Variants in OTOA observed in about 807,000 individuals in gnomAD.
The protein encoded by OTOA is otoancorin, also known as cancer/testis antigen 108.
OTOA carries 70 observed loss-of-function variants against 110.8 expected under a neutral mutation model. The ratio of observed to expected loss-of-function variants is 0.63; its 90% CI spans 0.52 to 0.77. The LOEUF is 0.77. Ranked by LOEUF, OTOA falls within the 30% of genes least tolerant of loss-of-function variation. The probability of loss-of-function intolerance (pLI) is 0.00; values close to 1 mark genes in which losing one functional copy is unlikely to be tolerated. For synonymous variants in OTOA, 373 were observed against 431.5 expected (o/e 0.86, Z 1.68); for missense variants, 917 against 1,075.8 (o/e 0.85, Z 2.06).
intron 6 of OTOA, among the ~76,000 whole-genome samples, chr16:21,683,722 A>C (rs914460979): frequency 6.6e-6 from 1 of 151,920 alleles, no homozygotes; most frequent in African/African-American, 2.4e-5. Context: ...AAAAACAAAA[A>C]CAAAAAACAG....
rs79926455 is a variant in OTOA at position 21,664,670 on chromosome 16, T to A, written c.-5+438T>A. Among the ~76,000 whole-genome samples, 1,508 of 152,102 alleles carry A rather than the reference T, an allele frequency of 9.9e-3. 45 individuals are homozygous for A. Among genetic ancestry groups the A allele is most frequent in the East Asian group, 0.082 (426 of 5,168 alleles). On this transcript the variant is annotated intron_variant, in intron 1 of 28. Coordinates refer to ENST00000646100, the MANE Select transcript of OTOA (RefSeq NM_144672.4). ...TAATGCCTACCTCATAACAGTTGTG[T>A]GGAAGAAATGGAAAAATGCAGGTAA...
chr16:21,679,740 T>A (rs1966874500), intron 5 of OTOA, among the ~76,000 whole-genome samples: 1 of 152,106 alleles, frequency 6.6e-6, no homozygotes, highest in Non-Finnish European at 1.5e-5. Context: ...TTCTATGTAG[T>A]GGGTATTCTA....
intron 5 of OTOA, among the ~76,000 whole-genome samples, chr16:21,680,369 C>G (rs1439872322): frequency 1.3e-5 from 2 of 152,010 alleles, no homozygotes; most frequent in Admixed American, 1.3e-4. Flanking sequence ...AAAGAATTAG[C>G]TAGGCATGGT....
At chr16:21,719,225 A>G in intron 16 of OTOA, 34 bp downstream of exon 16, 1 of 1,612,590 alleles carries the variant, frequency 6.2e-7, no homozygotes, top group Non-Finnish European at 8.5e-7. Context: ...GGTGCTGAAC[A>G]GGCCTTTCAG....
chr16:21,670,283 C>G (rs1966847331), intron 1 of OTOA, among the ~76,000 whole-genome samples: 1 of 152,052 alleles, frequency 6.6e-6, no homozygotes, highest in Non-Finnish European at 1.5e-5. Flanking sequence ...ACCCCATGTC[C>G]TACTGTTATA....
chr16:21,758,810 T>C lies in OTOA; in HGVS notation c.3349+1533T>C, dbSNP rs1219490544. ...GAGGTCAGGAGTTTTGAGACCAGCCTGGCCAACATGGCAAAACCCCGTCTC... is the reference window on the plus strand; with the variant it reads ...GAGGTCAGGAGTTTTGAGACCAGCCCGGCCAACATGGCAAAACCCCGTCTC... On this transcript the variant is annotated intron_variant, in intron 28 of 28. Coordinates refer to ENST00000646100, the MANE Select transcript of OTOA (RefSeq NM_144672.4). Among the ~76,000 whole-genome samples the C allele has an allele frequency of 7.3e-5, 11 of 151,626 alleles. 1 individual carries two copies. The highest frequency in any genetic ancestry group is 1.2e-4 in the African/African-American group (5 of 41,228).
intron 6 of OTOA, among the ~76,000 whole-genome samples, chr16:21,684,193 A>G (rs1275663110): frequency 1.3e-5 from 2 of 152,096 alleles, no homozygotes; most frequent in Non-Finnish European, 2.9e-5. Flanking sequence ...TATTTTACCC[A>G]GCAACCCTAG....
chr16:21,749,617 A>T (rs1178930655), intron 24 of OTOA, among the ~76,000 whole-genome samples: 1 of 139,886 alleles, frequency 7.1e-6, no homozygotes, highest in East Asian at 2.3e-4. Context: ...CTCTCCTTGG[A>T]TGTCTCCTCA....
In OTOA at chr16:21,664,116, C is replaced by G. The variant is rs1219840170; in HGVS notation, c.-121C>G. On this transcript the variant is annotated 5_prime_UTR_variant, in exon 1 of 29. Coordinates refer to ENST00000646100, the MANE Select transcript of OTOA (RefSeq NM_144672.4). ...TGCAGGGAGGAGGTCGCAGAGCTGC[C>G]GGCTGGCGCCGCCCCGCCGCTCTCC... 1.3e-5 allele frequency: 2 copies of G among 152,278 alleles called. No homozygotes were observed. The highest frequency in any genetic ancestry group is 3.9e-4 in the East Asian group (2 of 5,182). The allele number at this position is 152,278 out of a possible 1,614,324, so 9.4% of individuals were successfully genotyped here.
intron 7 of OTOA, 80 bp from the exon 8 acceptor site, chr16:21,687,332 GT>G: frequency 9.0e-7 from 1 of 1,110,936 alleles, no homozygotes; most frequent in Non-Finnish European, 1.4e-6. Flanking sequence ...TTTCCCCACT[GT>G]TGCAATGTGT....
intron 15 of OTOA, 138 bp downstream of exon 15, chr16:21,717,185 T>G (rs1159047680): frequency 7.7e-7 from 1 of 1,303,108 alleles, no homozygotes; most frequent in Non-Finnish European, 1.1e-6. Flanking sequence ...AGTATAGTGT[T>G]AAGAATTTGG....
At chr16:21,730,659 T>C (rs888440964) in intron 20 of OTOA, 178 bp from the exon 21 acceptor site, 15 of 572,826 alleles carry the variant, frequency 2.6e-5, no homozygotes, top group East Asian at 3.3e-5. Context: ...CTCCCAGGGA[T>C]GACTCTGATT....
intron 7 of OTOA, among the ~76,000 whole-genome samples, chr16:21,686,289 CTTT>C (rs34034416): frequency 7.1e-6 from 1 of 140,740 alleles, no homozygotes; most frequent in African/African-American, 2.6e-5. Context: ...AAAATGGAGG[CTTT>C]TTTTTTTTTT....
At chr16:21,735,075 A>C (rs1272355928) in intron 21 of OTOA, among the ~76,000 whole-genome samples, 1 of 142,822 alleles carries the variant, frequency 7.0e-6, no homozygotes, top group African/African-American at 2.6e-5. Flanking sequence ...TGGGAGGTGG[A>C]GGTTGCAGTG....
chr16:21,722,480 C>T (rs964544278), intron 17 of OTOA, among the ~76,000 whole-genome samples: 1 of 150,900 alleles, frequency 6.6e-6, no homozygotes, highest in Non-Finnish European at 1.5e-5. Context: ...GTGGTTTTTA[C>T]ATTATATATA....
intron 21 of OTOA, among the ~76,000 whole-genome samples, chr16:21,735,902 A>AT (rs1283525682): frequency 1.7e-4 from 26 of 151,918 alleles, no homozygotes; most frequent in African/African-American, 6.0e-4. Context: ...CCTAACCTAC[A>AT]TTTTTTGTCG....
intron 6 of OTOA, among the ~76,000 whole-genome samples, chr16:21,682,420 G>A (rs1966909654): frequency 6.6e-6 from 1 of 152,246 alleles, no homozygotes; most frequent in Admixed American, 6.5e-5. Context: ...ACTAAAAGTT[G>A]AAGGGTTCAA....
intron 27 of OTOA, among the ~76,000 whole-genome samples, chr16:21,756,224 A>C (rs1899981411): frequency 6.6e-6 from 1 of 151,508 alleles, no homozygotes; most frequent in Non-Finnish European, 1.5e-5. Context: ...AAGTGACTTC[A>C]GAAGACACCT....
chr16:21,755,467 TG>T, intron 27 of OTOA, among the ~76,000 whole-genome samples: 1 of 109,086 alleles, frequency 9.2e-6, no homozygotes, highest in African/African-American at 3.3e-5. Context: ...TGTGTGTGTG[TG>T]TGTGTGTGTG....
Sources: gnomAD v4.1 joint callset for allele counts (sites outside exome capture counted in the v4.1 genomes callset) on GRCh38, gnomAD v4.1.1 for gene constraint, MANE v1.5 for transcripts, NCBI Gene and HGNC (gene_info 2026-07-23, HGNC 2026-07-21) for gene names.